Variants in INVS observed in about 807,000 individuals in gnomAD.
The protein encoded by INVS is inversin.
Under a neutral mutation model 108.8 loss-of-function variants are expected in INVS, and 86 were observed. That is an observed-to-expected ratio of 0.79 (90% CI 0.66 to 0.95). INVS has a LOEUF of 0.95. INVS is among the 40% of genes least tolerant of loss of function. The pLI is 0.00. For synonymous variants in INVS, 455 were observed against 473.5 expected, an observed-to-expected ratio of 0.96 and a Z score of 0.51; for missense variants, 1,169 against 1,297.4, an observed-to-expected ratio of 0.90 and a Z score of 1.52.
At chr9:100,140,362 TGGCG>T (rs796846419) in intron 3 of INVS, among the ~76,000 whole-genome samples, 19 of 151,884 alleles carry the variant, frequency 1.3e-4, no homozygotes, top group African/African-American at 4.3e-4. Context: ...GGTTGTTCTC[TGGCG>T]GGCAGGAGTG....
chr9:100,130,460 C>T (rs2787361), intron 3 of INVS: 103,968 of 151,994 alleles, frequency 0.68, 36,656 homozygotes, highest in East Asian at 0.91. Context: ...ATTATGGAGG[C>T]AGAAGTGTTC....
chr9:100,171,746 C>T (rs962036533), intron 3 of INVS, among the ~76,000 whole-genome samples: 4 of 152,088 alleles, frequency 2.6e-5, no homozygotes, highest in Non-Finnish European at 4.4e-5. Context: ...TTCCTCATAC[C>T]TCTTGACAAA....
chr9:100,273,308 C>T (rs1833011348), intron 12 of INVS, among the ~76,000 whole-genome samples: 2 of 151,916 alleles, frequency 1.3e-5, no homozygotes, highest in African/African-American at 2.4e-5. Flanking sequence ...TAGACTAGTC[C>T]CAATGTTTCA....
chr9:100,131,916 A>G, intron 3 of INVS: 1 of 983,214 alleles, frequency 1.0e-6, no homozygotes, highest in Non-Finnish European at 1.2e-6. Context: ...AAAAAGGAGA[A>G]AGAATACCTC....
intron 16 of INVS, among the ~76,000 whole-genome samples, chr9:100,299,621 C>T (rs1012359816): frequency 1.1e-4 from 13 of 122,080 alleles, no homozygotes; most frequent in African/African-American, 4.2e-4. Context: ...AGAATCTCAG[C>T]AGAGCCTTTT....
chr9:100,268,471 A>G (rs1252371493), intron 11 of INVS, among the ~76,000 whole-genome samples: 1 of 152,174 alleles, frequency 6.6e-6, no homozygotes, highest in Non-Finnish European at 1.5e-5. Context: ...CTGGGAATGC[A>G]GCCCAGCAAG....
intron 3 of INVS, among the ~76,000 whole-genome samples, chr9:100,214,669 T>C (rs1174332396): frequency 6.6e-6 from 1 of 152,232 alleles, no homozygotes; most frequent in Non-Finnish European, 1.5e-5. Flanking sequence ...TCAGGAGCTG[T>C]CATTGATGGT....
At chr9:100,100,624 ATATAATATATATATT>A (rs1826816426) in intron 1 of INVS, among the ~76,000 whole-genome samples, 1 of 78,088 alleles carries the variant, frequency 1.3e-5, no homozygotes, top group African/African-American at 6.1e-5. Flanking sequence ...ATATATGTAT[ATATAATATATATATT>A]ATATATGTAT....
intron 3 of INVS, among the ~76,000 whole-genome samples, chr9:100,212,779 C>T (rs775340805): frequency 6.6e-6 from 1 of 152,076 alleles, no homozygotes; most frequent in Non-Finnish European, 1.5e-5. Flanking sequence ...ATTTTTTCCC[C>T]TCAAATCAGT....
chr9:100,145,398 A>G (rs973906405), intron 3 of INVS, among the ~76,000 whole-genome samples: 2 of 150,654 alleles, frequency 1.3e-5, no homozygotes, highest in African/African-American at 4.9e-5. Context: ...CAGAGATAAG[A>G]AGTCAGGGCA....
intron 3 of INVS, among the ~76,000 whole-genome samples, chr9:100,219,838 T>G (rs1316193895): frequency 6.6e-6 from 1 of 152,086 alleles, no homozygotes; most frequent in African/African-American, 2.4e-5. Flanking sequence ...AGACCATTTG[T>G]ACAAAGATTG....
Position 100,292,705 on chromosome 9 carries a change from G to T in INVS, c.2448G>T (p.Gly816=). ...AGSSRPGSAR[G]EAVHAGQNPP... ...CTAGCCGCCCTGGCAGTGCCCGGGG[G>T]GAGGCGGTCCATGCTGGGCAGAATC... is the stretch of plus-strand genomic sequence containing the variant. Residue 816 remains glycine (G), a synonymous_variant, in exon 14 of 17, where the codon GGG becomes GGT. Coordinates refer to ENST00000262457, the MANE Select transcript of INVS (RefSeq NM_014425.5). 6.2e-7 allele frequency: 1 copy of T among 1,614,182 alleles called. No individual in the cohort carries two copies. The highest frequency in any genetic ancestry group is 1.1e-5 in the South Asian group (1 of 91,088).
chr9:100,135,513 T>G (rs1019344054), intron 3 of INVS, among the ~76,000 whole-genome samples: 1 of 152,192 alleles, frequency 6.6e-6, no homozygotes, highest in Non-Finnish European at 1.5e-5. Context: ...ACTTTGAGAA[T>G]CACTACTCTA....
intron 3 of INVS, chr9:100,131,015 G>A (rs1354387757): frequency 6.6e-6 from 1 of 152,158 alleles, no homozygotes; most frequent in East Asian, 1.9e-4. Context: ...TTTTGTGTGT[G>A]TGTGATAGTG....
chr9:100,214,328 C>T (rs191664334), intron 3 of INVS, among the ~76,000 whole-genome samples: 22 of 152,146 alleles, frequency 1.4e-4, no homozygotes, highest in African/African-American at 3.9e-4. Flanking sequence ...TTACAGGAGG[C>T]GCTAGATTAC....
chr9:100,247,554 T>C (rs968549873), intron 8 of INVS, among the ~76,000 whole-genome samples: 33 of 152,154 alleles, frequency 2.2e-4, no homozygotes, highest in African/African-American at 6.8e-4. Context: ...ATTTTTTTTA[T>C]TTGTAGAAAC....
chr9:100,191,658 C>T (rs780762806), intron 3 of INVS, among the ~76,000 whole-genome samples: 1 of 152,018 alleles, frequency 6.6e-6, no homozygotes, highest in African/African-American at 2.4e-5. Flanking sequence ...AACAATCAAC[C>T]TTTTGGGTTC....
intron 3 of INVS, among the ~76,000 whole-genome samples, chr9:100,193,339 T>G (rs999434900): frequency 2.6e-5 from 4 of 152,194 alleles, no homozygotes; most frequent in African/African-American, 9.7e-5. Context: ...ATAAAAATTT[T>G]GCAAAAATAT....
chr9:100,124,845 G>A (rs944061190), intron 2 of INVS, among the ~76,000 whole-genome samples: 2 of 152,142 alleles, frequency 1.3e-5, no homozygotes, highest in African/African-American at 4.8e-5. Flanking sequence ...TGTATTATGA[G>A]ACTCTGGATC....
Sources: gnomAD v4.1 joint callset for allele counts (sites outside exome capture counted in the v4.1 genomes callset) on GRCh38, gnomAD v4.1.1 for gene constraint, MANE v1.5 for transcripts, NCBI Gene and HGNC (gene_info 2026-07-23, HGNC 2026-07-21) for gene names.